POLQ: variants seen among roughly 807,000 people sequenced by gnomAD.
The protein encoded by POLQ is epididymis secretory sperm binding protein.
Under a neutral mutation model 259.2 loss-of-function variants are expected in POLQ, and 233 were observed. The ratio of observed to expected loss-of-function variants is 0.90; its 90% CI spans 0.81 to 1.00. POLQ has a LOEUF of 1.00. Ranked by LOEUF, POLQ falls within the 50% of genes least tolerant of loss-of-function variation. The probability of loss-of-function intolerance (pLI) is 0.00; values close to 1 mark genes in which losing one functional copy is unlikely to be tolerated. For synonymous variants in POLQ, 1,025 were observed against 1,048.8 expected, an observed-to-expected ratio of 0.98 and a Z score of 0.44; for missense variants, 2,871 against 3,051.6, an observed-to-expected ratio of 0.94 and a Z score of 1.39.
chr3:121,460,070 G>T lies in POLQ; in HGVS notation c.7132C>A (p.Leu2378Met). ...ATCACCTGTTTTGCCTGCTGCCTCA[G>T]ATCATCCCCAACAGACTCTGGCTCA... ...MIEPESVGDD[L>M]RQQAKQICYG... The change falls in exon 25 of 30, where the codon CTG becomes ATG. Residue 2378 changes from leucine to methionine, a missense_variant. Leu to Met is a conservative substitution (Grantham distance 15). Around this residue, in one of 3 missense-constraint regions of POLQ, gnomAD observed 2,080 missense variants for 2,126.0 expected, o/e 0.98. Transcript: ENST00000264233. 1 of 1,613,798 alleles carries T rather than the reference G, an allele frequency of 6.2e-7. No homozygotes were observed. Among genetic ancestry groups the T allele is most frequent in the Non-Finnish European group, 8.5e-7 (1 of 1,179,760 alleles).
chr3:121,483,694 G>T, intron 17 of POLQ, 112 bp from the exon 18 acceptor site: 1 of 735,878 alleles, frequency 1.4e-6, no homozygotes, highest in South Asian at 2.7e-5. Context: ...GAAGGCTAAG[G>T]GTCTGGTTCC....
At chr3:121,498,762 A>ACATACCATCATGCC in intron 12 of POLQ, 92 bp from the exon 13 acceptor site, 5 of 882,894 alleles carry the variant, frequency 5.7e-6, no homozygotes, top group Non-Finnish European at 8.6e-6. Flanking sequence ...AAAGCCAGGC[A>ACATACCATCATGCC]TGATGGTATG....
In POLQ at chr3:121,535,949, G is replaced by A. The variant is rs185742365; in HGVS notation, c.740+1151C>T. ...ATAGATTAACCACCTATCTAGATTG[G>A]AACAACTTGAAGGGCTTCAGGAAAA... On this transcript the variant is annotated intron_variant, in intron 5 of 29. Transcript: ENST00000264233. Among the ~76,000 whole-genome samples, 88 of 152,124 alleles carry A rather than the reference G, an allele frequency of 5.8e-4. No individual in the cohort carries two copies. In the East Asian group the frequency reaches 0.015, roughly 26 times the overall value.
chr3:121,527,072 T>C (rs1353333696), intron 7 of POLQ, among the ~76,000 whole-genome samples: 1 of 151,956 alleles, frequency 6.6e-6, no homozygotes, highest in African/African-American at 2.4e-5. Context: ...CCTGGATATT[T>C]TTTTTTGAGA....
Position 121,432,964 on chromosome 3 carries a change from A to T in POLQ, c.7613T>A (p.Leu2538His). 1 of 1,611,596 alleles carries T rather than the reference A, an allele frequency of 6.2e-7. No individual in the cohort carries two copies. The highest frequency in any genetic ancestry group is 1.1e-5 in the South Asian group (1 of 91,028). ...PIRGGFFILQ[L>H]HDELLYEVAE... ...CACTTCATATAGGAGTTCATCATGG[A>T]GTTGAAGGATGAAGAAGCCTCCTCT... The change falls in exon 29 of 30, where the codon CTC becomes CAC. Residue 2538 changes from leucine (L) to histidine (H), a missense_variant. Physicochemically the swap from Leu to His is moderately conservative, Grantham distance 99. This residue lies in a region of POLQ where 2,080 missense variants were observed against 2,126.0 expected (regional missense o/e 0.98). Transcript: ENST00000264233.
chr3:121,541,833 T>A (rs2108822507), intron 2 of POLQ, among the ~76,000 whole-genome samples: 1 of 152,130 alleles, frequency 6.6e-6, no homozygotes, highest in Middle Eastern at 3.4e-3. Flanking sequence ...TGATCGAAGT[T>A]GAAGAAAAGG....
At chr3:121,452,920 C>T (rs1276206383) in intron 25 of POLQ, among the ~76,000 whole-genome samples, 2 of 152,238 alleles carry the variant, frequency 1.3e-5, no homozygotes, top group East Asian at 1.9e-4. Flanking sequence ...GATCTGAGAA[C>T]AGGCAGACTG....
At chr3:121,483,005 C>G (rs537334827) in intron 18 of POLQ, among the ~76,000 whole-genome samples, 15 of 152,280 alleles carry the variant, frequency 9.9e-5, no homozygotes, top group African/African-American at 2.9e-4. Context: ...TATTCACACT[C>G]TTTTCCAATT....
chr3:121,521,855 G>T, intron 8 of POLQ, 148 bp downstream of exon 8: 1 of 506,284 alleles, frequency 2.0e-6, no homozygotes. Context: ...ACAGGAGTGA[G>T]CCACCACGCC....
At chr3:121,529,981 A>G (rs776335456) in intron 6 of POLQ, among the ~76,000 whole-genome samples, 189 bp from the exon 7 acceptor site, 6 of 152,216 alleles carry the variant, frequency 3.9e-5, no homozygotes, top group African/African-American at 7.2e-5. Flanking sequence ...ATGAAAGGTG[A>G]AAGAAATACT....
At chr3:121,534,045 T>G (rs554406117) in intron 5 of POLQ, among the ~76,000 whole-genome samples, 2 of 151,136 alleles carry the variant, frequency 1.3e-5, no homozygotes, top group East Asian at 3.9e-4. Flanking sequence ...CCTGGCTAAT[T>G]TTTTGTATTT....
intron 12 of POLQ, among the ~76,000 whole-genome samples, chr3:121,508,689 G>A (rs2048229615): frequency 6.6e-6 from 1 of 152,160 alleles, no homozygotes; most frequent in South Asian, 2.1e-4. Context: ...TGTAATAAAA[G>A]AAAATTGGTA....
At chr3:121,482,281 G>C (rs2047977362) in intron 18 of POLQ, among the ~76,000 whole-genome samples, 1 of 152,182 alleles carries the variant, frequency 6.6e-6, no homozygotes, top group African/African-American at 2.4e-5. Flanking sequence ...CACTTTGGGA[G>C]ACTGAGGCGG....
intron 8 of POLQ, chr3:121,521,718 G>A (rs986572828): frequency 1.8e-5 from 3 of 168,948 alleles, no homozygotes; most frequent in East Asian, 1.6e-4. Flanking sequence ...TTACAGGTGC[G>A]TGCCACAACG....
In POLQ at chr3:121,449,298, T is replaced by G; in HGVS notation, c.7264+17A>C. ...GGTAAGATGGTTGAAAAGAATACTA[T>G]CTAGAAGATAAATTACCTGTGTATC... On this transcript the variant is annotated intron_variant, in intron 26 of 29. Coordinates refer to ENST00000264233, the MANE Select transcript of POLQ (RefSeq NM_199420.4). 1.7e-6 allele frequency: 2 copies of G among 1,178,590 alleles called. No individual in the cohort carries two copies. Among genetic ancestry groups the G allele is most frequent in the Non-Finnish European group, 2.5e-6 (2 of 784,796 alleles). The allele number at this position is 1,178,590 out of a possible 1,614,324, so 73.0% of individuals were successfully genotyped here. A position where few individuals can be genotyped will look rare whatever the true frequency, so the allele number is the denominator to read the frequency against.
At chr3:121,502,721 CCTTT>C (rs1400053015) in intron 12 of POLQ, among the ~76,000 whole-genome samples, 5 of 152,078 alleles carry the variant, frequency 3.3e-5, no homozygotes, top group Admixed American at 2.6e-4. Context: ...TATTTGCTCT[CCTTT>C]CTTCTCTCAG....
At chr3:121,542,645 G>C (rs570258554) in intron 2 of POLQ, among the ~76,000 whole-genome samples, 1 of 152,234 alleles carries the variant, frequency 6.6e-6, no homozygotes, top group Non-Finnish European at 1.5e-5. Context: ...TTTATGAAAA[G>C]GAGTGACAAG....
In POLQ at chr3:121,488,097, C is replaced by T; in HGVS notation, c.4834G>A (p.Asp1612Asn). The change falls in exon 16 of 30, where the codon GAT becomes AAT. Residue 1612 changes from aspartate to asparagine, a missense_variant. Around this residue, in one of 3 missense-constraint regions of POLQ, gnomAD observed 2,080 missense variants for 2,126.0 expected, o/e 0.98. Transcript: ENST00000264233. ...AATTTTGATTTTTCAGCCCTTTCAT[C>T]TTGATCTCCTCCATCTTGATCACCT... ...HQGDQDGGDQ[D>N]ERAEKSKLTG... The T allele has an allele frequency of 6.2e-7, 1 of 1,613,852 alleles. No homozygotes were observed. Among genetic ancestry groups the T allele is most frequent in the Admixed American group, 1.7e-5 (1 of 59,990 alleles).
At chr3:121,476,460 AC>A (rs2047926137) in intron 20 of POLQ, 79 bp downstream of exon 20, 1 of 385,376 alleles carries the variant, frequency 2.6e-6, no homozygotes, top group East Asian at 1.8e-4. Context: ...GTAAATACAC[AC>A]ACACACACAC....
Sources: allele counts gnomAD v4.1 joint callset (sites outside exome capture counted in the v4.1 genomes callset), GRCh38; gene constraint gnomAD v4.1.1; regional missense constraint gnomAD v4.1.1; transcripts MANE v1.5; gene names NCBI Gene and HGNC (gene_info 2026-07-23, HGNC 2026-07-21).